PPCDC: variants seen among roughly 807,000 people sequenced by gnomAD.
PPCDC encodes phosphopantothenoylcysteine decarboxylase.
PPCDC carries 20 observed loss-of-function variants against 20.7 expected under a neutral mutation model. That is an observed-to-expected ratio of 0.97 (90% CI 0.68 to 1.41). The LOEUF (loss-of-function observed/expected upper bound fraction) is 1.41. Among genes scored for constraint, PPCDC ranks in the 40% most tolerant of loss-of-function variants. PPCDC has a pLI of 0.00. For missense variants in PPCDC, 246 were observed against 263.8 expected (o/e 0.93, Z 0.47); for synonymous variants, 88 against 100.3 (o/e 0.88, Z 0.73).
At chr15:75,036,068 C>G (rs780817151) in intron 2 of PPCDC, among the ~76,000 whole-genome samples, 1 of 151,366 alleles carries the variant, frequency 6.6e-6, no homozygotes, top group African/African-American at 2.4e-5. Context: ...ATGGGGGATT[C>G]TTTTTTAATG....
intron 4 of PPCDC, among the ~76,000 whole-genome samples, chr15:75,046,200 G>C (rs2066231478): frequency 6.6e-6 from 1 of 152,226 alleles, no homozygotes; most frequent in African/African-American, 2.4e-5. Flanking sequence ...GGGCTACAGA[G>C]GTGAGACTCT....
At chr15:75,049,070 G>A in intron 5 of PPCDC, 80 bp from the exon 6 acceptor site, 3 of 1,328,258 alleles carry the variant, frequency 2.3e-6, no homozygotes, top group Non-Finnish European at 3.2e-6. Flanking sequence ...TCTGGGTGGA[G>A]CACTTGGAGC....
At chr15:75,026,959 CTAGGT>C (rs1287070605) in intron 1 of PPCDC, among the ~76,000 whole-genome samples, 1 of 152,118 alleles carries the variant, frequency 6.6e-6, no homozygotes, top group Non-Finnish European at 1.5e-5. Flanking sequence ...GCTTCACAGG[CTAGGT>C]ATCTGTCTTC....
At chr15:75,035,433 G>T (rs1186139484) in intron 2 of PPCDC, among the ~76,000 whole-genome samples, 1 of 152,102 alleles carries the variant, frequency 6.6e-6, no homozygotes, top group Non-Finnish European at 1.5e-5. Flanking sequence ...CACACTAGGG[G>T]CCTGAAGTAG....
chr15:75,034,554 C>T (rs1353260974), intron 2 of PPCDC, among the ~76,000 whole-genome samples: 1 of 152,184 alleles, frequency 6.6e-6, no homozygotes, highest in Non-Finnish European at 1.5e-5. Flanking sequence ...CATGTGCCAA[C>T]CGCACTGGGC....
At position 75,023,646 on chromosome 15, in the gene PPCDC, T is replaced by A. The variant is rs909943151; in HGVS notation, c.-73+20T>A. 57 of 152,388 alleles carry A rather than the reference T, an allele frequency of 3.7e-4. No homozygotes were observed. The highest frequency in any genetic ancestry group is 1.3e-3 in the African/African-American group (53 of 41,554). The allele number at this position is 152,388 out of a possible 1,614,324, so 9.4% of individuals were successfully genotyped here. ...GCGCGGGTGAGCAGTGGAAGGGGGC[T>A]GGGAAGCTGGGTTCTCGCGGCGGCG... On this transcript the variant is annotated intron_variant, in intron 1 of 5. Coordinates refer to ENST00000342932, the MANE Select transcript of PPCDC (RefSeq NM_021823.5).
chr15:75,039,946 G>A (rs1304636071), intron 2 of PPCDC, among the ~76,000 whole-genome samples: 3 of 151,856 alleles, frequency 2.0e-5, no homozygotes, highest in Non-Finnish European at 4.4e-5. Flanking sequence ...CACCACACCC[G>A]GCTAATTTTG....
At chr15:75,043,599 T>C (rs2066183524) in intron 3 of PPCDC, 63 bp downstream of exon 3, 5 of 1,389,760 alleles carry the variant, frequency 3.6e-6, no homozygotes, top group African/African-American at 2.9e-5. Flanking sequence ...AGAACAGTCC[T>C]CCCTACGGCC....
intron 2 of PPCDC, among the ~76,000 whole-genome samples, chr15:75,035,575 A>C (rs2066074997): frequency 6.6e-6 from 1 of 152,206 alleles, no homozygotes; most frequent in South Asian, 2.1e-4. Flanking sequence ...ATCTCTATAC[A>C]TGCTAGATAA....
At chr15:75,043,796 T>G in intron 3 of PPCDC, 1 of 455,726 alleles carries the variant, frequency 2.2e-6, no homozygotes, top group Non-Finnish European at 4.0e-6. Context: ...TTATCTGGGC[T>G]GATGAAACCA....
chr15:75,042,593 C>T (rs922980056), intron 2 of PPCDC, among the ~76,000 whole-genome samples: 4 of 144,364 alleles, frequency 2.8e-5, no homozygotes, highest in African/African-American at 7.8e-5. Context: ...GCGGAGGTTG[C>T]GGTGAGCCGA....
At position 75,028,221 on chromosome 15, in the gene PPCDC, G is replaced by C. The variant is rs571762468; in HGVS notation, c.-72-26G>C. On this transcript the variant is annotated intron_variant, in intron 1 of 5. Transcript: ENST00000342932. Reference sequence around the variant, plus strand: ...CATTCTGGTCGACTGTATGAATGAAGGGGGTGGCCCTTGTTCTCCTTTTAG... The same window carrying C: ...CATTCTGGTCGACTGTATGAATGAACGGGGTGGCCCTTGTTCTCCTTTTAG... 3.1e-4 allele frequency: 460 copies of C among 1,479,752 alleles called. 2 individuals carry two copies. The African/African-American group carries it at 6.0e-3, about 19-fold the overall frequency. 91.7% of individuals were successfully genotyped at this position (1,479,752 alleles called of 1,614,324 possible).
intron 2 of PPCDC, among the ~76,000 whole-genome samples, chr15:75,031,905 G>A (rs2066026184): frequency 6.6e-6 from 1 of 151,976 alleles, no homozygotes; most frequent in Non-Finnish European, 1.5e-5. Context: ...GGTGAGGGGA[G>A]GAATTATACG....
intron 1 of PPCDC, among the ~76,000 whole-genome samples, chr15:75,026,053 G>C (rs539861617): frequency 2.6e-5 from 4 of 152,176 alleles, no homozygotes; most frequent in Non-Finnish European, 5.9e-5. Context: ...GGAAGCAGTT[G>C]AAGTCACTAA....
At position 75,028,325 on chromosome 15, in the gene PPCDC, C is replaced by G; in HGVS notation, c.7C>G (p.Pro3Ala). The G allele has an allele frequency of 1.2e-6, 2 of 1,614,126 alleles. No individual in the cohort carries two copies. Among genetic ancestry groups the G allele is most frequent in the Non-Finnish European group, 1.7e-6 (2 of 1,180,024 alleles). The change falls in exon 2 of 6, where the codon CCA becomes GCA. Residue 3 changes from proline to alanine, a missense_variant. Pro to Ala is a conservative substitution (Grantham distance 27). Coordinates refer to ENST00000342932, the MANE Select transcript of PPCDC (RefSeq NM_021823.5). Reference sequence around the variant, plus strand: ...TGAAGCCACCAGACCCCACATGGAACCAAAGGCCTCCTGTCCAGCTGCTGC... The same window carrying G: ...TGAAGCCACCAGACCCCACATGGAAGCAAAGGCCTCCTGTCCAGCTGCTGC... Reference protein sequence around the residue: MEPKASCPAAAPL... With the variant: MEAKASCPAAAPL...
intron 2 of PPCDC, chr15:75,043,132 C>T (rs781510059): frequency 5.8e-5 from 16 of 275,616 alleles, no homozygotes; most frequent in Non-Finnish European, 1.1e-4. Flanking sequence ...CGTGCCTCTG[C>T]CACTGGGCCT....
chr15:75,025,133 C>T (rs531797048), intron 1 of PPCDC, among the ~76,000 whole-genome samples: 11 of 152,066 alleles, frequency 7.2e-5, no homozygotes, highest in South Asian at 2.1e-4. Context: ...AGGCTGGTCT[C>T]GAGTACCTGG....
intron 4 of PPCDC, chr15:75,044,874 C>T (rs775005925): frequency 5.2e-5 from 13 of 247,894 alleles, no homozygotes; most frequent in Admixed American, 3.6e-4. Flanking sequence ...CATCGCCTCC[C>T]GCTTCAGCTC....
intron 2 of PPCDC, among the ~76,000 whole-genome samples, chr15:75,041,322 T>C (rs2066150497): frequency 6.6e-6 from 1 of 152,050 alleles, no homozygotes; most frequent in South Asian, 2.1e-4. Context: ...CAGCATTCAG[T>C]GGGAGTTTGG....
Sources: allele counts gnomAD v4.1 joint callset (sites outside exome capture counted in the v4.1 genomes callset), GRCh38; gene constraint gnomAD v4.1.1; transcripts MANE v1.5; gene names NCBI Gene and HGNC (gene_info 2026-07-23, HGNC 2026-07-21).